Variants in ADGRL2 observed in about 807,000 individuals in gnomAD.
The protein encoded by ADGRL2 is calcium-independent alpha-latrotoxin receptor 2.
ADGRL2 carries 44 observed loss-of-function variants against 157.4 expected under a neutral mutation model. The observed-to-expected ratio is 0.28, with a 90% CI of 0.22 to 0.36. The LOEUF is 0.36. ADGRL2 is among the 10% of genes least tolerant of loss of function. The pLI, the probability that ADGRL2 is intolerant of heterozygous loss-of-function variation, is 1.00. For synonymous variants in ADGRL2, 585 were observed against 624.7 expected, an observed-to-expected ratio of 0.94 and a Z score of 0.95; for missense variants, 1,510 against 1,768.9, an observed-to-expected ratio of 0.85 and a Z score of 2.63.
At chr1:81,428,356 A>C (rs2077257407) in intron 1 of ADGRL2, among the ~76,000 whole-genome samples, 1 of 152,178 alleles carries the variant, frequency 6.6e-6, no homozygotes, top group Admixed American at 6.5e-5. Flanking sequence ...AGAAAACCTC[A>C]GTATGCCAAG....
At chr1:81,426,880 A>G in intron 1 of ADGRL2, 1 of 642,462 alleles carries the variant, frequency 1.6e-6, no homozygotes, top group Non-Finnish European at 2.9e-6. Context: ...ATATAATTTG[A>G]GACTACTTTG....
At position 81,986,880 on chromosome 1, in the gene ADGRL2, TG is replaced by T. The variant is rs756813494; in HGVS notation, c.3509-20del. On this transcript the variant is annotated intron_variant, in intron 21 of 23. Transcript: ENST00000686636. ...GATGTACTTTTCTCTGTTTTTTTGT[TG>T]TTTTTTTTTTTTACTTTAGGAATGA... 86 of 1,582,528 alleles carry T rather than the reference TG, an allele frequency of 5.4e-5. No homozygotes were observed. The highest frequency in any genetic ancestry group is 1.3e-4 in the Admixed American group (7 of 54,644).
intron 3 of ADGRL2, among the ~76,000 whole-genome samples, chr1:81,907,570 A>T (rs1445374850): frequency 6.6e-6 from 1 of 152,182 alleles, no homozygotes; most frequent in East Asian, 1.9e-4. Flanking sequence ...AGAATGTTGA[A>T]GTGCCTGGGT....
chr1:81,786,098 C>T (rs1425080970), intron 2 of ADGRL2, among the ~76,000 whole-genome samples: 1 of 151,490 alleles, frequency 6.6e-6, no homozygotes, highest in Non-Finnish European at 1.5e-5. Flanking sequence ...AGGGAGACTT[C>T]ATCTCCAAAA....
chr1:81,443,418 C>T (rs2077544666), intron 1 of ADGRL2, among the ~76,000 whole-genome samples: 1 of 146,358 alleles, frequency 6.8e-6, no homozygotes, highest in Non-Finnish European at 1.5e-5. Flanking sequence ...GCCTGAGTGA[C>T]AAGAGTGAAA....
chr1:81,816,591 GT>G (rs1292865911), intron 1 of ADGRL2, among the ~76,000 whole-genome samples: 1 of 151,702 alleles, frequency 6.6e-6, no homozygotes, highest in East Asian at 1.9e-4. Context: ...CAATGTATAG[GT>G]TTTTTTATTT....
chr1:81,556,848 C>A (rs370159887), intron 2 of ADGRL2, among the ~76,000 whole-genome samples: 1 of 151,662 alleles, frequency 6.6e-6, no homozygotes, highest in African/African-American at 2.4e-5. Context: ...GAGGCCGAGG[C>A]GGGTGGATCA....
At chr1:81,456,381 G>A (rs1353986267) in intron 2 of ADGRL2, among the ~76,000 whole-genome samples, 1 of 151,856 alleles carries the variant, frequency 6.6e-6, no homozygotes, top group East Asian at 1.9e-4. Flanking sequence ...ACCATATCCA[G>A]CTAATTTTTT....
At chr1:81,380,284 G>A (rs1244600479) in intron 1 of ADGRL2, among the ~76,000 whole-genome samples, 1 of 152,154 alleles carries the variant, frequency 6.6e-6, no homozygotes, top group Non-Finnish European at 1.5e-5. Context: ...CACTTTTAAT[G>A]TGTGTGGGCT....
chr1:81,949,721 A>G (rs1278884466), intron 6 of ADGRL2, among the ~76,000 whole-genome samples: 2 of 152,226 alleles, frequency 1.3e-5, no homozygotes, highest in African/African-American at 4.8e-5. Context: ...TTCTTGCAAT[A>G]TGTAAAGTGG....
At chr1:81,783,165 C>T (rs1259276253) in intron 2 of ADGRL2, among the ~76,000 whole-genome samples, 1 of 152,178 alleles carries the variant, frequency 6.6e-6, no homozygotes, top group African/African-American at 2.4e-5. Flanking sequence ...GCTCTGTCGC[C>T]CAGGCTGGAG....
chr1:81,787,574 G>C (rs1165351404), intron 2 of ADGRL2, among the ~76,000 whole-genome samples: 2 of 152,090 alleles, frequency 1.3e-5, no homozygotes. Flanking sequence ...AGAATTGCTT[G>C]AACCTGGGAG....
chr1:81,555,204 G>A (rs2080243488), intron 2 of ADGRL2, among the ~76,000 whole-genome samples: 1 of 151,150 alleles, frequency 6.6e-6, no homozygotes, highest in Admixed American at 6.6e-5. Context: ...GTAAGAGACT[G>A]TATAAAACTC....
intron 11 of ADGRL2, 57 bp downstream of exon 11, chr1:81,956,117 A>T: frequency 7.8e-7 from 1 of 1,287,012 alleles, no homozygotes; most frequent in East Asian, 2.5e-5. Flanking sequence ...ATGTAAGAGG[A>T]TGATGTTTCC....
intron 1 of ADGRL2, among the ~76,000 whole-genome samples, chr1:81,333,126 A>C (rs1203553247): frequency 6.6e-6 from 1 of 152,188 alleles, no homozygotes; most frequent in East Asian, 1.9e-4. Flanking sequence ...TAAATCATTT[A>C]AAAGGTGTTT....
chr1:81,801,535 C>T (rs1270564228), intron 1 of ADGRL2, among the ~76,000 whole-genome samples: 1 of 152,232 alleles, frequency 6.6e-6, no homozygotes, highest in Non-Finnish European at 1.5e-5. Flanking sequence ...CATCTCCCCT[C>T]CGCTGCTGTG....
At chr1:81,710,653 A>AT (rs2083898547) in intron 1 of ADGRL2, among the ~76,000 whole-genome samples, 2 of 148,306 alleles carry the variant, frequency 1.3e-5, no homozygotes, top group Admixed American at 6.8e-5. Context: ...AAGAACTTTT[A>AT]TTTTTTGTGA....
intron 1 of ADGRL2, among the ~76,000 whole-genome samples, chr1:81,433,838 G>C (rs1318087924): frequency 2.6e-5 from 4 of 152,186 alleles, no homozygotes; most frequent in African/African-American, 9.7e-5. Flanking sequence ...TCAGATAGCA[G>C]CAGGAACTGA....
At chr1:81,586,660 T>G (rs2081032618) in intron 3 of ADGRL2, among the ~76,000 whole-genome samples, 2 of 152,064 alleles carry the variant, frequency 1.3e-5, no homozygotes, top group South Asian at 4.1e-4. Flanking sequence ...CACTTTCGGC[T>G]TGTATGTAAG....
Sources: gnomAD v4.1 joint callset for allele counts (sites outside exome capture counted in the v4.1 genomes callset) on GRCh38, gnomAD v4.1.1 for gene constraint, MANE v1.5 for transcripts, NCBI Gene and HGNC (gene_info 2026-07-23, HGNC 2026-07-21) for gene names.